Variants in AGO2 observed in about 807,000 individuals in gnomAD.
AGO2 encodes protein argonaute-2.
AGO2 carries 5 observed loss-of-function variants against 102.3 expected under a neutral mutation model. That is an observed-to-expected ratio of 0.05 (90% CI 0.03 to 0.10). AGO2 has a LOEUF of 0.10. AGO2 is among the 10% of genes least tolerant of loss of function. AGO2 has a pLI of 1.00. For synonymous variants in AGO2, 449 were observed against 473.1 expected (o/e 0.95, Z 0.66); for missense variants, 541 against 1,183.7 (o/e 0.46, Z 7.97).
chr8:140,598,641 C>T (rs1301368578), intron 1 of AGO2, among the ~76,000 whole-genome samples: 1 of 152,234 alleles, frequency 6.6e-6, no homozygotes. Flanking sequence ...CTGAGCCCCA[C>T]CAGGAGGAAG....
chr8:140,620,536 T>G (rs1419805605), intron 1 of AGO2, among the ~76,000 whole-genome samples: 1 of 152,172 alleles, frequency 6.6e-6, no homozygotes, highest in African/African-American at 2.4e-5. Flanking sequence ...CACTTTTATG[T>G]ACATTTGAAT....
chr8:140,583,954 T>C (rs2073601708), intron 2 of AGO2, among the ~76,000 whole-genome samples: 1 of 152,144 alleles, frequency 6.6e-6, no homozygotes, highest in Non-Finnish European at 1.5e-5. Flanking sequence ...TCAGCTCCCT[T>C]ACAATCTTTT....
chr8:140,634,888 G>A (rs956974337), intron 1 of AGO2, among the ~76,000 whole-genome samples: 2 of 152,142 alleles, frequency 1.3e-5, no homozygotes, highest in African/African-American at 2.4e-5. Flanking sequence ...AGGGGCCGAA[G>A]AAGTGCCGGC....
At chr8:140,607,564 T>C (rs1253262356) in intron 1 of AGO2, among the ~76,000 whole-genome samples, 2 of 147,408 alleles carry the variant, frequency 1.4e-5, no homozygotes. Flanking sequence ...GACGAATGGA[T>C]AAAAATGTGT....
intron 10 of AGO2, among the ~76,000 whole-genome samples, chr8:140,554,858 A>AT (rs1564083454): frequency 6.6e-6 from 1 of 151,926 alleles, no homozygotes; most frequent in Non-Finnish European, 1.5e-5. Flanking sequence ...CTCCAGGCTA[A>AT]TTTTTGTATT....
chr8:140,556,926 C>T (rs1345275776), intron 8 of AGO2, among the ~76,000 whole-genome samples, 163 bp downstream of exon 8: 2 of 152,182 alleles, frequency 1.3e-5, no homozygotes, highest in African/African-American at 2.4e-5. Context: ...AAGGCAAAAC[C>T]GAGGTGTAAC....
At chr8:140,617,589 G>C (rs1290854848) in intron 1 of AGO2, among the ~76,000 whole-genome samples, 1 of 152,162 alleles carries the variant, frequency 6.6e-6, no homozygotes, top group Non-Finnish European at 1.5e-5. Flanking sequence ...GAAGAGTTTT[G>C]ATGACACCAA....
chr8:140,583,520 C>T (rs1327771551), intron 2 of AGO2, among the ~76,000 whole-genome samples: 9 of 152,176 alleles, frequency 5.9e-5, no homozygotes, highest in Non-Finnish European at 1.3e-4. Context: ...CAAACCTGTA[C>T]AGCACACGAC....
chr8:140,532,165 G>A lies in AGO2; in HGVS notation c.2472-13C>T, dbSNP rs2072608491. 1 of 1,603,282 alleles carries A rather than the reference G, an allele frequency of 6.2e-7. No homozygotes were observed. The highest frequency in any genetic ancestry group is 8.5e-7 in the Non-Finnish European group (1 of 1,171,300). On this transcript the variant is annotated splice_polypyrimidine_tract_variant and intron_variant, in intron 18 of 18. Transcript: ENST00000220592. ...GCTTCCTTCAGCACTGCAGGGATGAGAGAGAGAGAGAATGAGAATGTGCAG... is the reference window on the plus strand; with the variant it reads ...GCTTCCTTCAGCACTGCAGGGATGAAAGAGAGAGAGAATGAGAATGTGCAG...
chr8:140,587,423 C>T (rs2073675876), intron 1 of AGO2, among the ~76,000 whole-genome samples: 2 of 152,224 alleles, frequency 1.3e-5, no homozygotes, highest in Non-Finnish European at 2.9e-5. Context: ...CTTCCCGTAC[C>T]TTCAGGAAGG....
upstream of AGO2, chr8:140,636,341 A>C (rs995150779): frequency 1.3e-5 from 2 of 152,276 alleles, no homozygotes; most frequent in African/African-American, 4.8e-5. Flanking sequence ...CCATTCCAGC[A>C]GTCAGGGGCC....
chr8:140,568,644 G>A (rs1004709737), intron 3 of AGO2, among the ~76,000 whole-genome samples: 1 of 152,344 alleles, frequency 6.6e-6, no homozygotes, highest in African/African-American at 2.4e-5. Flanking sequence ...AATGTGCCAG[G>A]TGCTGAGGTC....
intron 1 of AGO2, among the ~76,000 whole-genome samples, chr8:140,608,550 G>A (rs884935): frequency 0.056 from 8,560 of 152,346 alleles, 684 homozygotes; most frequent in African/African-American, 0.18. Flanking sequence ...GCAGGGACCG[G>A]GGCGGGGACC....
In AGO2 at chr8:140,539,613, C is replaced by T. The variant is rs1323465956; in HGVS notation, c.2035-159G>A. ...GTGAAAACACGGGGGCAGAAACCAT[C>T]CTCTCTGCAGGGAGGACTGGATGCA... is the stretch of plus-strand genomic sequence containing the variant. On this transcript the variant is annotated intron_variant, in intron 15 of 18. Coordinates refer to ENST00000220592, the MANE Select transcript of AGO2 (RefSeq NM_012154.5). The surrounding 1 kb of genome is among the most constrained non-coding windows in gnomAD (Gnocchi z 4.7). Among the ~76,000 whole-genome samples the T allele has an allele frequency of 6.6e-6, 1 of 152,220 alleles. No individual in the cohort carries two copies. The highest frequency in any genetic ancestry group is 2.4e-5 in the African/African-American group (1 of 41,454).
intron 1 of AGO2, among the ~76,000 whole-genome samples, chr8:140,604,322 G>C (rs1363660799): frequency 6.6e-6 from 1 of 152,208 alleles, no homozygotes; most frequent in East Asian, 1.9e-4. Flanking sequence ...AATTACATAA[G>C]CGAAAATGCT....
In AGO2 at chr8:140,532,135, G is replaced by T; in HGVS notation, c.2489C>A (p.Thr830Asn). The change falls in exon 19 of 19, where the codon ACC becomes AAC. Residue 830 changes from threonine to asparagine, a missense_variant. Transcript: ENST00000220592. ...KEHDSAEGSH[T>N]SGQSNGRDHQ... ...GTCTCGCCCGTTACTCTGCCCAGAGGTATGGCTTCCTTCAGCACTGCAGGG... is the reference window on the plus strand; with the variant it reads ...GTCTCGCCCGTTACTCTGCCCAGAGTTATGGCTTCCTTCAGCACTGCAGGG... 6.2e-7 allele frequency: 1 copy of T among 1,614,140 alleles called. No homozygotes were observed. The highest frequency in any genetic ancestry group is 8.5e-7 in the Non-Finnish European group (1 of 1,180,012).
chr8:140,538,109 C>T (rs1453045726), intron 16 of AGO2, among the ~76,000 whole-genome samples: 1 of 152,204 alleles, frequency 6.6e-6, no homozygotes. Context: ...CGTGAGCCAC[C>T]GTGCCTGGCC....
intron 1 of AGO2, among the ~76,000 whole-genome samples, chr8:140,588,074 C>T (rs773407399): frequency 2.6e-5 from 4 of 152,208 alleles, no homozygotes; most frequent in South Asian, 2.1e-4. Context: ...TCCACCTCTC[C>T]GTGGACGCTC....
At chr8:140,624,604 G>A (rs2074252944) in intron 1 of AGO2, among the ~76,000 whole-genome samples, 1 of 152,246 alleles carries the variant, frequency 6.6e-6, no homozygotes, top group Non-Finnish European at 1.5e-5. Flanking sequence ...GGCTCAGGAG[G>A]AGGCTCTGGT....
Sources: gnomAD v4.1 joint callset for allele counts (sites outside exome capture counted in the v4.1 genomes callset) on GRCh38, gnomAD v4.1.1 for gene constraint, Gnocchi (gnomAD v3.1) non-coding constraint, MANE v1.5 for transcripts, NCBI Gene and HGNC (gene_info 2026-07-23, HGNC 2026-07-21) for gene names.